The following ZIM3 variants were observed in gnomAD, a reference collection of about 807,000 sequenced individuals.
ZIM3 encodes zinc finger imprinted 3.
In ZIM3, 11 loss-of-function variants were observed where a neutral mutation model predicts 12.9. The observed-to-expected ratio is 0.85, with a 90% CI of 0.54 to 1.41. The LOEUF is 1.41. ZIM3 is among the 40% of genes most tolerant of loss of function. ZIM3 has a pLI of 0.00. For synonymous variants in ZIM3, 205 were observed against 198.5 expected, an observed-to-expected ratio of 1.03 and a Z score of -0.28; for missense variants, 604 against 557.2, an observed-to-expected ratio of 1.08 and a Z score of -0.85.
In ZIM3 at chr19:57,135,358, T is replaced by C; in HGVS notation, c.979A>G (p.Arg327Gly). The C allele has an allele frequency of 1.2e-6, 2 of 1,614,042 alleles. No individual in the cohort carries two copies. Among genetic ancestry groups the C allele is most frequent in the Non-Finnish European group, 1.7e-6 (2 of 1,179,928 alleles). Reference protein sequence around the residue: ...IYKSDLVKHQRIHTGEKPYKC... With the variant: ...IYKSDLVKHQGIHTGEKPYKC... ...TAGGGTTTCTCTCCCGTGTGTATTC[T>C]CTGGTGTTTCACAAGATCTGACTTG... The change falls in exon 5 of 5, where the codon AGA becomes GGA. Residue 327 changes from arginine (R) to glycine (G), a missense_variant. Transcript: ENST00000269834.
At chr19:57,140,505 T>G in intron 2 of ZIM3, among the ~76,000 whole-genome samples, 1 of 150,226 alleles carries the variant, frequency 6.7e-6, no homozygotes, top group Non-Finnish European at 1.5e-5. Flanking sequence ...CACAGGTTCT[T>G]GCTCTGCCAC....
In ZIM3 at chr19:57,139,738, C is replaced by T. The variant is rs117788689; in HGVS notation, c.16-1140G>A. ...AGACTCCATCTCAAATAAATAAATA[C>T]ATAAATAAGTAGAATAAGCCAATAG... On this transcript the variant is annotated intron_variant, in intron 2 of 4. Coordinates refer to ENST00000269834, the MANE Select transcript of ZIM3 (RefSeq NM_052882.1). Among the ~76,000 whole-genome samples, 156 of 152,140 alleles carry T rather than the reference C, an allele frequency of 1.0e-3. 1 individual carries two copies. The East Asian group carries it at 0.029, about 28-fold the overall frequency.
chr19:57,137,662 G>A lies in ZIM3; in HGVS notation c.143-691C>T, dbSNP rs1025356157. Among the ~76,000 whole-genome samples, 15 of 150,116 alleles carry A rather than the reference G, an allele frequency of 1.0e-4. No homozygotes were observed. In the East Asian group the frequency reaches 2.4e-3, roughly 24 times the overall value. ...TGGGAGGCGGAGGTTGCAGTGAGCC[G>A]AGATCACACCACTGCACTCCAGCCT... On this transcript the variant is annotated intron_variant, in intron 3 of 4. Coordinates refer to ENST00000269834, the MANE Select transcript of ZIM3 (RefSeq NM_052882.1).
chr19:57,136,647 G>C (rs1029785121), intron 4 of ZIM3, among the ~76,000 whole-genome samples: 5 of 141,536 alleles, frequency 3.5e-5, no homozygotes, highest in African/African-American at 1.3e-4. Flanking sequence ...CTGGGCGACA[G>C]AGACTCCGTT....
chr19:57,143,308 GC>G (rs2086922843), intron 1 of ZIM3, among the ~76,000 whole-genome samples: 1 of 150,542 alleles, frequency 6.6e-6, no homozygotes, highest in Non-Finnish European at 1.5e-5. Flanking sequence ...TCCAGCCTGG[GC>G]GACAGAGCGA....
chr19:57,144,404 C>A (rs899424318), intron 1 of ZIM3, among the ~76,000 whole-genome samples: 26 of 151,960 alleles, frequency 1.7e-4, no homozygotes, highest in African/African-American at 6.3e-4. Flanking sequence ...ACTTGCCGGG[C>A]ACAACTTTAA....
In ZIM3 at chr19:57,134,684, A is replaced by G. The variant is rs1424208998; in HGVS notation, c.*234T>C. 6.3e-6 allele frequency: 3 copies of G among 479,110 alleles called. No individual in the cohort carries two copies. The highest frequency in any genetic ancestry group is 1.1e-5 in the Non-Finnish European group (3 of 273,060). 29.7% of individuals were successfully genotyped at this position (479,110 alleles called of 1,614,324 possible). ...GTTTTAGCACATTTGGTTTATTGCT[A>G]CATCTTCAGTGTTTAAGAGTTCCTG... On this transcript the variant is annotated 3_prime_UTR_variant, in exon 5 of 5. Coordinates refer to ENST00000269834, the MANE Select transcript of ZIM3 (RefSeq NM_052882.1).
chr19:57,136,180 T>C (rs1193914806), intron 4 of ZIM3, 85 bp from the exon 5 acceptor site: 2 of 1,281,980 alleles, frequency 1.6e-6, no homozygotes, highest in East Asian at 4.6e-5. Flanking sequence ...TCTATTGTGG[T>C]GATTATTCTG....
intron 2 of ZIM3, among the ~76,000 whole-genome samples, chr19:57,139,155 C>T (rs1333168749): frequency 2.0e-5 from 3 of 151,798 alleles, no homozygotes; most frequent in East Asian, 3.9e-4. Flanking sequence ...GAAGAAACCC[C>T]ATCTCTACTA....
intron 2 of ZIM3, among the ~76,000 whole-genome samples, chr19:57,139,557 C>T (rs2086904787): frequency 1.3e-5 from 2 of 151,614 alleles, no homozygotes. Context: ...GAAACCCCAT[C>T]TCTACTAAAA....
chr19:57,143,990 G>A (rs1411380098), intron 1 of ZIM3, among the ~76,000 whole-genome samples: 1 of 151,820 alleles, frequency 6.6e-6, no homozygotes, highest in Non-Finnish European at 1.5e-5. Context: ...CCAGGAGTTT[G>A]AGACCAGCCT....
Position 57,135,888 on chromosome 19 carries a change from C to G in ZIM3, c.449G>C (p.Gly150Ala), listed in dbSNP as rs753624102. The G allele has an allele frequency of 1.2e-6, 2 of 1,614,074 alleles. No homozygotes were observed. The highest frequency in any genetic ancestry group is 1.3e-5 in the African/African-American group (1 of 75,012). The change falls in exon 5 of 5, where the codon GGA becomes GCA. Residue 150 changes from glycine to alanine, a missense_variant. Coordinates refer to ENST00000269834, the MANE Select transcript of ZIM3 (RefSeq NM_052882.1). Reference sequence around the variant, plus strand: ...ATTATTGCCAACTAATTTTCTGTATCCATTATCATCGTGAGAATTATTTTG... The same window carrying G: ...ATTATTGCCAACTAATTTTCTGTATGCATTATCATCGTGAGAATTATTTTG... ...YVQNNSHDDN[G>A]YRKLVGNNPS... is the part of the protein sequence containing the mutation.
Position 57,135,028 on chromosome 19 carries a change from GCAAACT to G in ZIM3, c.1303_1308del (p.Ser435_Leu436del). On this transcript the variant is annotated inframe_deletion, in exon 5 of 5. Transcript: ENST00000269834. ...TTTTGTCCAGTATGGGTTTTTTTAT[GCAAACT>G]AAGGTTTAATTTCCGGATGAAGGTT... 1 of 1,614,038 alleles carries G rather than the reference GCAAACT, an allele frequency of 6.2e-7. No individual in the cohort carries two copies. The highest frequency in any genetic ancestry group is 1.1e-5 in the South Asian group (1 of 91,086).
At chr19:57,136,676 AG>A (rs936272499) in intron 4 of ZIM3, among the ~76,000 whole-genome samples, 196 bp downstream of exon 4, 2 of 77,016 alleles carry the variant, frequency 2.6e-5, no homozygotes, top group African/African-American at 6.0e-5. Flanking sequence ...AAAAAAAAAA[AG>A]AAAAAAAAAA....
intron 1 of ZIM3, among the ~76,000 whole-genome samples, chr19:57,144,530 AT>A (rs376974412): frequency 4.0e-4 from 61 of 152,310 alleles, no homozygotes; most frequent in African/African-American, 1.4e-3. Context: ...TGATTTAATC[AT>A]CCCCCCAATG....
rs767344380 is a variant in ZIM3 at position 57,135,196 on chromosome 19, G to A, written c.1141C>T (p.His381Tyr). The A allele has an allele frequency of 1.2e-6, 2 of 1,613,700 alleles. No homozygotes were observed. Among genetic ancestry groups the A allele is most frequent in the East Asian group, 2.2e-5 (1 of 44,856 alleles). ...TTTTCCCCAGTATGGATTTTTTTAT[G>A]TTGAATGAGGTTTTTCTTCTGGATA... is the stretch of plus-strand genomic sequence containing the variant. ...TFIQKKNLIQ[H>Y]KKIHTGEKPY... The change falls in exon 5 of 5, where the codon CAT becomes TAT. Residue 381 changes from histidine to tyrosine, a missense_variant. Coordinates refer to ENST00000269834, the MANE Select transcript of ZIM3 (RefSeq NM_052882.1).
At chr19:57,138,078 A>AGAAGGAAGGAAGGAAG (rs1568458943) in intron 3 of ZIM3, among the ~76,000 whole-genome samples, 2 of 56,926 alleles carry the variant, frequency 3.5e-5, no homozygotes, top group Admixed American at 4.6e-4. Context: ...AAGGAAGGAA[A>AGAAGGAAGGAAGGAAG]GAAGGGAGGT....
rs779864336 is a variant in ZIM3, at chr19:57,135,768, G to A, written c.569C>T (p.Ala190Val). 1 of 1,613,956 alleles carries A rather than the reference G, an allele frequency of 6.2e-7. No individual in the cohort carries two copies. The highest frequency in any genetic ancestry group is 1.3e-5 in the African/African-American group (1 of 74,978). ...ATGACATTCAAAGGGTTTTTGACAG[G>A]CATGCCTCCTCAGGTGACTTTGAAG... ...SRLQSHLRRHACQKPFECHSC... is the reference protein window; with the variant it reads ...SRLQSHLRRHVCQKPFECHSC... The change falls in exon 5 of 5, where the codon GCC becomes GTC. Residue 190 changes from alanine (A) to valine (V), a missense_variant. Physicochemically the swap from Ala to Val is moderately conservative, Grantham distance 64. Transcript: ENST00000269834.
Position 57,136,081 on chromosome 19 carries a change from T to A in ZIM3, c.256A>T (p.Ile86Phe). Reference sequence around the variant, plus strand: ...TTTGGCTTCCAAATCTGCCCTCCAATGTCCCCATTTTTTTCTAAAATGGAA... The same window carrying A: ...TTTGGCTTCCAAATCTGCCCTCCAAAGTCCCCATTTTTTTCTAAAATGGAA... ...GSGRAEKNGD[I>F]GGQIWKPKDV... Residue 86 changes from isoleucine to phenylalanine, a missense_variant, in exon 5 of 5, where the codon ATT becomes TTT. Transcript: ENST00000269834. 2.5e-6 allele frequency: 4 copies of A among 1,604,408 alleles called. No homozygotes were observed. Among genetic ancestry groups the A allele is most frequent in the Non-Finnish European group, 3.4e-6 (4 of 1,176,266 alleles).
Sources: allele counts gnomAD v4.1 joint callset (sites outside exome capture counted in the v4.1 genomes callset), GRCh38; gene constraint gnomAD v4.1.1; transcripts MANE v1.5; gene names NCBI Gene and HGNC (gene_info 2026-07-23, HGNC 2026-07-21).